The following SLC39A14 variants were observed in gnomAD, a reference collection of about 807,000 sequenced individuals.
The protein encoded by SLC39A14 is solute carrier family 39 member 14, also known as metal cation symporter ZIP14.
SLC39A14 carries 19 observed loss-of-function variants against 45.5 expected under a neutral mutation model. The observed-to-expected ratio is 0.42, with a 90% CI of 0.29 to 0.61. The LOEUF (loss-of-function observed/expected upper bound fraction) is 0.61, where lower values mean the gene tolerates loss of function less well. SLC39A14 is among the 20% of genes least tolerant of loss of function. The pLI is 0.22. For synonymous variants in SLC39A14, 264 were observed against 251.3 expected (o/e 1.05, Z -0.48); for missense variants, 447 against 616.5 (o/e 0.73, Z 2.91).
At position 22,421,147 on chromosome 8, in the gene SLC39A14, T is replaced by G; in HGVS notation, c.*1449T>G. Reference sequence around the variant, plus strand: ...AGCCTGTCTCTCCAGAAGCCTTTCTTAGTGGTGCCCACAGTTGGAGCCCAG... The same window carrying G: ...AGCCTGTCTCTCCAGAAGCCTTTCTGAGTGGTGCCCACAGTTGGAGCCCAG... On this transcript the variant is annotated 3_prime_UTR_variant, in exon 9 of 9. Transcript: ENST00000381237. 2 of 985,890 alleles carry G rather than the reference T, an allele frequency of 2.0e-6. No homozygotes were observed. The highest frequency in any genetic ancestry group is 2.4e-6 in the Non-Finnish European group (2 of 829,936). The allele number at this position is 985,890 out of a possible 1,614,324, so 61.1% of individuals were successfully genotyped here.
At position 22,415,974 on chromosome 8, in the gene SLC39A14, C is replaced by G; in HGVS notation, c.939+17C>G. The stretch of plus-strand genomic sequence containing the variant: ...TCTGTGCAGGTCAGTGGGCCACCAG[C>G]TGCTTGGTGGAGCCTCTAAGAGGTT... On this transcript the variant is annotated intron_variant, in intron 6 of 8. Coordinates refer to ENST00000381237, the MANE Select transcript of SLC39A14 (RefSeq NM_001128431.4). 1 of 1,599,730 alleles carries G rather than the reference C, an allele frequency of 6.3e-7. No individual in the cohort carries two copies. The highest frequency in any genetic ancestry group is 8.5e-7 in the Non-Finnish European group (1 of 1,170,176).
rs1480132268 is a variant in SLC39A14, at chr8:22,399,423, T to TA, written c.-15-5271dup. On this transcript the variant is annotated intron_variant, in intron 1 of 8. Transcript: ENST00000381237. ...CCAAAAGGCCGGGGTCACTTGGACT[T>TA]AAGTGTCACTCGCAGCTCCTAGATC... is the stretch of plus-strand genomic sequence containing the variant. 6.6e-5 allele frequency among the ~76,000 whole-genome samples: 10 copies of TA among 152,344 alleles called. No homozygotes were observed. The East Asian group carries it at 1.7e-3, about 26-fold the overall frequency.
At chr8:22,427,674 C>T (rs1356936198), downstream of SLC39A14, among the ~76,000 whole-genome samples, 2 of 152,110 alleles carry the variant, frequency 1.3e-5, no homozygotes, top group African/African-American at 2.4e-5. Flanking sequence ...AAATATCTTA[C>T]GCTGCCAAAT....
intron 2 of SLC39A14, among the ~76,000 whole-genome samples, 161 bp downstream of exon 2, chr8:22,405,141 A>G (rs2293145): frequency 6.6e-6 from 1 of 152,070 alleles, no homozygotes; most frequent in Non-Finnish European, 1.5e-5. Context: ...TTTCTCTCTC[A>G]TTGTCTGAAT....
chr8:22,422,030 T>C lies in SLC39A14; in HGVS notation c.*2332T>C. ...GTCTGACTTGAGTCGCCACTGATTG[T>C]GGCAACAGCTTTGCCTCATGAGTCA... On this transcript the variant is annotated 3_prime_UTR_variant, in exon 9 of 9. Coordinates refer to ENST00000381237, the MANE Select transcript of SLC39A14 (RefSeq NM_001128431.4). 1.0e-6 allele frequency: 1 copy of C among 985,446 alleles called. No individual in the cohort carries two copies. The highest frequency in any genetic ancestry group is 4.7e-5 in the South Asian group (1 of 21,292). The allele number at this position is 985,446 out of a possible 1,614,324, so 61.0% of individuals were successfully genotyped here. A position where few individuals can be genotyped will look rare whatever the true frequency, so the allele number is the denominator to read the frequency against.
At chr8:22,433,971 G>A (rs968552968) in exon 9 of SLC39A14, 7 of 437,244 alleles carry the variant, frequency 1.6e-5, no homozygotes, top group Middle Eastern at 3.3e-4. Flanking sequence ...TTGGGTTGAA[G>A]CGATTATCCT....
chr8:22,374,635 G>T (rs2132165301), intron 1 of SLC39A14, among the ~76,000 whole-genome samples: 1 of 152,140 alleles, frequency 6.6e-6, no homozygotes, highest in Non-Finnish European at 1.5e-5. Context: ...GTCTTGAATG[G>T]CTCGGGTGTC....
intron 1 of SLC39A14, among the ~76,000 whole-genome samples, chr8:22,375,234 TCCCCCAAACAATTGTTTGG>T (rs778325480): frequency 0.22 from 33,688 of 151,978 alleles, 4,701 homozygotes; most frequent in East Asian, 0.52. Flanking sequence ...TACACAGAAT[TCCCCCAAACAATTGTTTGG>T]TATTTTTGTC....
chr8:22,373,624 G>A (rs998722399), intron 1 of SLC39A14, among the ~76,000 whole-genome samples: 1 of 152,126 alleles, frequency 6.6e-6, no homozygotes, highest in African/African-American at 2.4e-5. Flanking sequence ...AATAAAAATA[G>A]TCTTTTACTT....
chr8:22,415,078 G>C, intron 5 of SLC39A14, 176 bp downstream of exon 5: 1 of 723,472 alleles, frequency 1.4e-6, no homozygotes, highest in South Asian at 2.0e-5. Context: ...TTGGCCAGAA[G>C]TGAGGCCAGA....
At chr8:22,397,195 C>T (rs1389045803) in intron 1 of SLC39A14, among the ~76,000 whole-genome samples, 2 of 152,142 alleles carry the variant, frequency 1.3e-5, no homozygotes, top group East Asian at 1.9e-4. Flanking sequence ...GATTCACGTC[C>T]GTGGCCCTTC....
chr8:22,400,016 A>G (rs1223157321), intron 1 of SLC39A14, among the ~76,000 whole-genome samples: 1 of 152,212 alleles, frequency 6.6e-6, no homozygotes, highest in Admixed American at 6.5e-5. Flanking sequence ...CCGTCCCCTC[A>G]TAGCACTGCA....
intron 7 of SLC39A14, among the ~76,000 whole-genome samples, chr8:22,416,494 G>A (rs747213507): frequency 1.3e-5 from 2 of 151,914 alleles, no homozygotes; most frequent in African/African-American, 2.4e-5. Context: ...ATGTGATCTC[G>A]GCTCACTGCA....
chr8:22,371,208 A>T (rs1390323797), intron 1 of SLC39A14, among the ~76,000 whole-genome samples: 2 of 152,020 alleles, frequency 1.3e-5, no homozygotes, highest in Non-Finnish European at 2.9e-5. Flanking sequence ...CGCCTTGGCA[A>T]CTGGAGATCG....
intron 4 of SLC39A14, among the ~76,000 whole-genome samples, chr8:22,412,863 A>G (rs1483460978): frequency 6.6e-6 from 1 of 152,172 alleles, no homozygotes; most frequent in East Asian, 1.9e-4. Context: ...ACTTGAACCC[A>G]GGAGATGGAG....
chr8:22,386,224 C>T (rs1032286068), intron 1 of SLC39A14, among the ~76,000 whole-genome samples: 1 of 150,796 alleles, frequency 6.6e-6, no homozygotes, highest in Admixed American at 6.6e-5. Context: ...GGATTACAGG[C>T]GTGAGCCACT....
Position 22,416,112 on chromosome 8 carries a change from G to A in SLC39A14, c.979G>A (p.Gly327Ser). 1.2e-6 allele frequency: 2 copies of A among 1,614,136 alleles called. No homozygotes were observed. Among genetic ancestry groups the A allele is most frequent in the South Asian group, 1.1e-5 (1 of 91,080 alleles). Residue 327 changes from glycine to serine, a missense_variant, in exon 7 of 9, where the codon GGT becomes AGT. Coordinates refer to ENST00000381237, the MANE Select transcript of SLC39A14 (RefSeq NM_001128431.4). ...ASQSACYWLK[G>S]VRYSDIGTLA... Reference sequence around the variant, plus strand: ...CCAGAGTGCTTGCTACTGGCTGAAAGGTGTCCGCTACTCTGATATCGGCAC... The same window carrying A: ...CCAGAGTGCTTGCTACTGGCTGAAAAGTGTCCGCTACTCTGATATCGGCAC...
chr8:22,394,305 C>T (rs947816777), intron 1 of SLC39A14, among the ~76,000 whole-genome samples: 3 of 147,928 alleles, frequency 2.0e-5, no homozygotes, highest in African/African-American at 7.5e-5. Flanking sequence ...GTGCCCAGCC[C>T]TGTAATGATT....
intron 7 of SLC39A14, among the ~76,000 whole-genome samples, chr8:22,416,904 G>T (rs1156349302): frequency 1.3e-5 from 2 of 152,166 alleles, no homozygotes; most frequent in Non-Finnish European, 2.9e-5. Context: ...GAAAACAAAG[G>T]GTGAGAGGGA....
Sources: allele counts gnomAD v4.1 joint callset (sites outside exome capture counted in the v4.1 genomes callset), GRCh38; gene constraint gnomAD v4.1.1; transcripts MANE v1.5; gene names NCBI Gene and HGNC (gene_info 2026-07-23, HGNC 2026-07-21).